RRP15: variants seen among roughly 807,000 people sequenced by gnomAD.
The protein encoded by RRP15 is RRP15-like protein.
In RRP15, 18 loss-of-function variants were observed where a neutral mutation model predicts 27.1. That is an observed-to-expected ratio of 0.66 (90% confidence interval 0.46 to 0.98). RRP15 has a LOEUF of 0.98. Ranked by LOEUF, RRP15 falls within the 50% of genes least tolerant of loss-of-function variation. The pLI is 0.00. For synonymous variants in RRP15, 107 were observed against 109.4 expected, an observed-to-expected ratio of 0.98 and a Z score of 0.14; for missense variants, 359 against 337.8, an observed-to-expected ratio of 1.06 and a Z score of -0.49.
chr1:218,321,065 G>C (rs995851417), intron 4 of RRP15, among the ~76,000 whole-genome samples: 1 of 152,172 alleles, frequency 6.6e-6, no homozygotes, highest in Non-Finnish European at 1.5e-5. Flanking sequence ...TCATTGGTGT[G>C]AGATGAATGT....
chr1:218,323,968 G>C (rs527712998), intron 4 of RRP15, among the ~76,000 whole-genome samples: 1 of 152,286 alleles, frequency 6.6e-6, no homozygotes, highest in African/African-American at 2.4e-5. Flanking sequence ...CCAGAGTGCA[G>C]CCATACCTAG....
chr1:218,329,198 C>G (rs1361182093), intron 4 of RRP15, among the ~76,000 whole-genome samples: 1 of 124,556 alleles, frequency 8.0e-6, no homozygotes, highest in Non-Finnish European at 1.6e-5. Context: ...CCCAGGAGCT[C>G]GAAACCAGCC....
intron 4 of RRP15, 47 bp downstream of exon 4, chr1:218,307,679 A>G (rs1655922518): frequency 1.5e-6 from 2 of 1,292,610 alleles, no homozygotes; most frequent in Non-Finnish European, 2.2e-6. Context: ...TTCAGCTCTA[A>G]AACTAGTCTT....
chr1:218,334,293 C>G lies in RRP15; in HGVS notation c.*3202C>G, dbSNP rs1350451516. 1 of 152,122 alleles carries G rather than the reference C, an allele frequency of 6.6e-6. No individual in the cohort carries two copies. The highest frequency in any genetic ancestry group is 1.5e-5 in the Non-Finnish European group (1 of 68,028). 9.4% of individuals were successfully genotyped at this position (152,122 alleles called of 1,614,324 possible). A position where few individuals can be genotyped will look rare whatever the true frequency, so the allele number is the denominator to read the frequency against. On this transcript the variant is annotated 3_prime_UTR_variant, in exon 5 of 5. Transcript: ENST00000366932. The stretch of plus-strand genomic sequence containing the variant: ...TGGAAACCCTTTGGATAGAACAGTT[C>G]AGAGGGTTACCACTAGTACTTAGAG...
intron 1 of RRP15, among the ~76,000 whole-genome samples, chr1:218,299,863 A>G (rs1344600187): frequency 1.3e-5 from 2 of 152,154 alleles, no homozygotes; most frequent in Non-Finnish European, 2.9e-5. Context: ...TTTCCAGTGT[A>G]CTTTCCTGGG....
intron 1 of RRP15, among the ~76,000 whole-genome samples, chr1:218,299,187 T>C (rs1437867454): frequency 6.6e-6 from 1 of 152,188 alleles, no homozygotes; most frequent in Non-Finnish European, 1.5e-5. Context: ...ACTTTGGCAT[T>C]TTTAATTTGT....
chr1:218,303,001 A>C (rs956074694), intron 2 of RRP15, among the ~76,000 whole-genome samples: 2 of 152,084 alleles, frequency 1.3e-5, no homozygotes, highest in Admixed American at 1.3e-4. Context: ...CTGAAAACGG[A>C]TTATTTCAGT....
intron 3 of RRP15, among the ~76,000 whole-genome samples, chr1:218,305,926 G>C (rs190470599): frequency 1.3e-5 from 2 of 152,204 alleles, no homozygotes; most frequent in East Asian, 1.9e-4. Context: ...CCCTGGGCAT[G>C]CTACTTGATT....
intron 4 of RRP15, among the ~76,000 whole-genome samples, chr1:218,321,632 G>C (rs191730129): frequency 2.6e-4 from 40 of 152,088 alleles, no homozygotes; most frequent in African/African-American, 9.6e-4. Flanking sequence ...GGAGTCAATG[G>C]CTTATCTAAG....
chr1:218,312,703 G>A (rs1056328022), intron 4 of RRP15, among the ~76,000 whole-genome samples: 1 of 152,256 alleles, frequency 6.6e-6, no homozygotes, highest in Non-Finnish European at 1.5e-5. Context: ...TGGAAAAATT[G>A]TGATGTGGGG....
At chr1:218,308,062 C>CTTTTTTTT (rs56813511) in intron 4 of RRP15, among the ~76,000 whole-genome samples, 1,661 of 66,946 alleles carry the variant, frequency 0.025, 32 homozygotes, top group Non-Finnish European at 0.035. Flanking sequence ...TTCTTTCTTT[C>CTTTTTTTT]TTTTTTTTTT....
At chr1:218,291,822 G>A (rs755086365) in intron 1 of RRP15, among the ~76,000 whole-genome samples, 85 of 150,140 alleles carry the variant, frequency 5.7e-4, no homozygotes, top group Non-Finnish European at 9.3e-4. Context: ...GAGCCACCGC[G>A]GCTGGCCCCC....
At chr1:218,313,765 G>A (rs964371073) in intron 4 of RRP15, among the ~76,000 whole-genome samples, 1 of 152,142 alleles carries the variant, frequency 6.6e-6, no homozygotes, top group African/African-American at 2.4e-5. Context: ...CTGAGTCAGG[G>A]AAGATGAATA....
At chr1:218,304,895 T>C (rs1294452889) in intron 2 of RRP15, 133 bp from the exon 3 acceptor site, 1 of 787,150 alleles carries the variant, frequency 1.3e-6, no homozygotes, top group Admixed American at 2.6e-5. Flanking sequence ...AACATTGTGT[T>C]TTTTTAAAAG....
rs746149566 is a variant in RRP15, at chr1:218,307,537, A to G, written c.610A>G (p.Thr204Ala). The G allele has an allele frequency of 5.6e-6, 9 of 1,613,834 alleles. No individual in the cohort carries two copies. Among genetic ancestry groups the G allele is most frequent in the South Asian group, 5.5e-5 (5 of 91,074 alleles). Residue 204 changes from threonine to alanine, a missense_variant, in exon 4 of 5, where the codon ACT (threonine) becomes GCT (alanine). Thr to Ala is a moderately conservative substitution (Grantham distance 58). Coordinates refer to ENST00000366932, the MANE Select transcript of RRP15 (RefSeq NM_016052.4). Reference protein sequence around the residue: ...SMRKRAKLISTVSKKDFISVL... With the variant: ...SMRKRAKLISAVSKKDFISVL... ...GAGAAAGCGTGCTAAGTTGATATCAACTGTTTCCAAGAAAGATTTCATCAG... is the reference window on the plus strand; with the variant it reads ...GAGAAAGCGTGCTAAGTTGATATCAGCTGTTTCCAAGAAAGATTTCATCAG...
intron 4 of RRP15, among the ~76,000 whole-genome samples, chr1:218,310,376 T>C (rs747109701): frequency 1.3e-5 from 2 of 152,214 alleles, no homozygotes; most frequent in Non-Finnish European, 2.9e-5. Flanking sequence ...AGGATACCAA[T>C]TTGGAAACAC....
intron 4 of RRP15, among the ~76,000 whole-genome samples, chr1:218,323,141 T>A (rs913656996): frequency 1.8e-4 from 27 of 152,216 alleles, no homozygotes; most frequent in African/African-American, 5.1e-4. Flanking sequence ...CTCCTAGGTC[T>A]GGGCTTCCCG....
intron 4 of RRP15, among the ~76,000 whole-genome samples, chr1:218,316,335 G>A (rs1423707488): frequency 6.6e-6 from 1 of 152,068 alleles, no homozygotes; most frequent in Non-Finnish European, 1.5e-5. Context: ...TTTCTTTAGT[G>A]AGGCTGAGGC....
intron 4 of RRP15, among the ~76,000 whole-genome samples, chr1:218,326,955 C>A (rs1207268942): frequency 6.6e-6 from 1 of 152,230 alleles, no homozygotes; most frequent in Non-Finnish European, 1.5e-5. Context: ...GTCCCTGATA[C>A]ATACTGCCAG....
Sources: gnomAD v4.1 joint callset for allele counts (sites outside exome capture counted in the v4.1 genomes callset) on GRCh38, gnomAD v4.1.1 for gene constraint, MANE v1.5 for transcripts, NCBI Gene and HGNC (gene_info 2026-07-23, HGNC 2026-07-21) for gene names.